TCP11L1: variants seen among roughly 807,000 people sequenced by gnomAD.
TCP11L1 encodes the protein T-complex protein 11-like protein 1.
Under a neutral mutation model 48.9 loss-of-function variants are expected in TCP11L1, and 28 were observed. That is an observed-to-expected ratio of 0.57 (90% CI 0.42 to 0.78). The LOEUF (loss-of-function observed/expected upper bound fraction) is 0.78, where lower values mean the gene tolerates loss of function less well. Among genes scored for constraint, TCP11L1 ranks in the 30% least tolerant of loss-of-function variants. The pLI is 0.00. For synonymous variants in TCP11L1, 204 were observed against 231.9 expected, an observed-to-expected ratio of 0.88 and a Z score of 1.09; for missense variants, 505 against 613.4, an observed-to-expected ratio of 0.82 and a Z score of 1.87.
intron 2 of TCP11L1, among the ~76,000 whole-genome samples, chr11:33,051,427 A>G (rs1428741619): frequency 6.6e-6 from 1 of 152,202 alleles, no homozygotes; most frequent in Non-Finnish European, 1.5e-5. Flanking sequence ...TCAGCCTCCC[A>G]AAGTGCTGGG....
chr11:33,066,277 G>T (rs551741459), intron 8 of TCP11L1, among the ~76,000 whole-genome samples: 1 of 152,338 alleles, frequency 6.6e-6, no homozygotes, highest in Non-Finnish European at 1.5e-5. Flanking sequence ...CGAGTAGCCT[G>T]TCGGGCCTTA....
intron 8 of TCP11L1, among the ~76,000 whole-genome samples, chr11:33,066,309 G>T (rs948219150): frequency 4.6e-5 from 7 of 152,190 alleles, no homozygotes; most frequent in African/African-American, 1.7e-4. Context: ...AAGGAGTTGG[G>T]TTATTGTCCT....
chr11:33,072,999 A>G lies in TCP11L1; in HGVS notation c.*323A>G, dbSNP rs148324632. ...GAGGCTGGGACCTCTCTCTTCTGCA[A>G]TCTGGGTAGTTCTTTCAGATGCCTC... On this transcript the variant is annotated 3_prime_UTR_variant, in exon 10 of 10. Transcript: ENST00000334274. The G allele has an allele frequency of 7.5e-5, 26 of 345,138 alleles. No homozygotes were observed. The highest frequency in any genetic ancestry group is 4.8e-4 in the African/African-American group (23 of 47,502). 21.4% of individuals were successfully genotyped at this position (345,138 alleles called of 1,614,324 possible).
chr11:33,056,260 A>G (rs10430950), intron 3 of TCP11L1, among the ~76,000 whole-genome samples: 107,005 of 151,696 alleles, frequency 0.71, 37,897 homozygotes, highest in East Asian at 0.87. Flanking sequence ...TAAAGCATGC[A>G]CCACCACACC....
At chr11:33,069,647 T>C (rs570313018) in intron 9 of TCP11L1, among the ~76,000 whole-genome samples, 6 of 152,192 alleles carry the variant, frequency 3.9e-5, no homozygotes, top group Admixed American at 3.3e-4. Flanking sequence ...CAGACTGGAG[T>C]GCAGTGATGC....
At chr11:33,051,714 C>T (rs568550862) in intron 2 of TCP11L1, among the ~76,000 whole-genome samples, 4 of 152,222 alleles carry the variant, frequency 2.6e-5, no homozygotes, top group African/African-American at 9.6e-5. Flanking sequence ...CTGCTTCAGC[C>T]TCCCAAAGTA....
chr11:33,049,223 C>G (rs1377243272), intron 2 of TCP11L1, among the ~76,000 whole-genome samples: 2 of 146,414 alleles, frequency 1.4e-5, no homozygotes, highest in East Asian at 2.0e-4. Context: ...GCACTCCAGC[C>G]TCGTGACAGA....
chr11:33,072,112 G>T (rs1433861285), intron 9 of TCP11L1, among the ~76,000 whole-genome samples: 1 of 152,124 alleles, frequency 6.6e-6, no homozygotes, highest in Non-Finnish European at 1.5e-5. Flanking sequence ...CCAAAGTGCT[G>T]GGATTACAGG....
At chr11:33,043,315 C>T (rs1853893694) in intron 1 of TCP11L1, among the ~76,000 whole-genome samples, 1 of 152,162 alleles carries the variant, frequency 6.6e-6, no homozygotes, top group Non-Finnish European at 1.5e-5. Flanking sequence ...CCCTTTAGCC[C>T]AGTGTATTCA....
chr11:33,053,609 G>T (rs1188236264), intron 2 of TCP11L1, among the ~76,000 whole-genome samples: 1 of 152,180 alleles, frequency 6.6e-6, no homozygotes. Context: ...CAGAGCAGGG[G>T]AAAGAGAGAA....
chr11:33,058,121 A>C lies in TCP11L1; in HGVS notation c.620A>C (p.Glu207Ala). 1 of 1,613,486 alleles carries C rather than the reference A, an allele frequency of 6.2e-7. No individual in the cohort carries two copies. The highest frequency in any genetic ancestry group is 8.5e-7 in the Non-Finnish European group (1 of 1,179,948). The change falls in exon 5 of 10, where the codon GAA becomes GCA. Residue 207 changes from glutamate to alanine, a missense_variant. By Grantham distance (107) the Glu-to-Ala change is moderately radical. This residue lies in a region of TCP11L1 where 335 missense variants were observed against 413.3 expected (regional missense o/e 0.81). Transcript: ENST00000334274. The stretch of plus-strand genomic sequence containing the variant: ...GTTAAGAAACTAAAGGACATTAAGG[A>C]AATAGTGCCCCTTTTCAGGTATGGA... ...EEVKKLKDIK[E>A]IVPLFREIFS...
At chr11:33,048,581 C>T (rs1854066557) in intron 2 of TCP11L1, among the ~76,000 whole-genome samples, 3 of 152,164 alleles carry the variant, frequency 2.0e-5, no homozygotes, top group Admixed American at 6.5e-5. Flanking sequence ...CTATCATGAT[C>T]AGATACCTGT....
At chr11:33,053,564 T>C (rs1201261516) in intron 2 of TCP11L1, among the ~76,000 whole-genome samples, 1 of 152,180 alleles carries the variant, frequency 6.6e-6, no homozygotes, top group Admixed American at 6.5e-5. Flanking sequence ...GTTGCAGCAG[T>C]CGATACAGAA....
intron 7 of TCP11L1, among the ~76,000 whole-genome samples, chr11:33,063,039 T>C (rs1854511460): frequency 6.6e-6 from 1 of 152,074 alleles, no homozygotes; most frequent in South Asian, 2.1e-4. Context: ...TTTAAGTGTG[T>C]TTTTTGTGGA....
chr11:33,071,170 C>A (rs1283196800), intron 9 of TCP11L1, among the ~76,000 whole-genome samples: 1 of 152,004 alleles, frequency 6.6e-6, no homozygotes, highest in Non-Finnish European at 1.5e-5. Flanking sequence ...CAAAAATTAG[C>A]TGGGCATGGT....
chr11:33,068,293 A>T (rs371353821), intron 8 of TCP11L1, among the ~76,000 whole-genome samples: 1 of 152,220 alleles, frequency 6.6e-6, no homozygotes, highest in African/African-American at 2.4e-5. Flanking sequence ...AGGGCATCCA[A>T]TGAAGAGTTT....
intron 2 of TCP11L1, among the ~76,000 whole-genome samples, chr11:33,049,542 A>G (rs993681357): frequency 2.0e-5 from 3 of 152,130 alleles, no homozygotes; most frequent in Non-Finnish European, 2.9e-5. Flanking sequence ...TGGCAGGACA[A>G]TAGTGTAATA....
chr11:33,040,842 A>G (rs1204321442), intron 1 of TCP11L1: 1 of 151,872 alleles, frequency 6.6e-6, no homozygotes, highest in Non-Finnish European at 1.5e-5. Flanking sequence ...ATCAGTTCAA[A>G]TGTCATCTTT....
intron 7 of TCP11L1, among the ~76,000 whole-genome samples, chr11:33,063,331 C>T (rs930248125): frequency 4.2e-4 from 64 of 152,108 alleles, no homozygotes; most frequent in African/African-American, 1.3e-3. Context: ...CTCTTGGTTA[C>T]GTACCTAGGA....
Sources: gnomAD v4.1 joint callset for allele counts (sites outside exome capture counted in the v4.1 genomes callset) on GRCh38, gnomAD v4.1.1 for gene constraint, gnomAD v4.1.1 regional missense constraint, MANE v1.5 for transcripts, NCBI Gene and HGNC (gene_info 2026-07-23, HGNC 2026-07-21) for gene names.